Variants in CAPN8 observed in about 807,000 individuals in gnomAD.
CAPN8 encodes the protein calpain-8.
A neutral mutation model predicts 80.9 loss-of-function variants in CAPN8; 87 were observed. That is an observed-to-expected ratio of 1.07 (90% CI 0.90 to 1.28). The LOEUF (loss-of-function observed/expected upper bound fraction) is 1.28. CAPN8 is among the 50% of genes most tolerant of loss of function. The pLI is 0.00. For synonymous variants in CAPN8, 299 were observed against 273.8 expected, an observed-to-expected ratio of 1.09 and a Z score of -0.91; for missense variants, 757 against 702.0, an observed-to-expected ratio of 1.08 and a Z score of -0.89.
At chr1:223,646,191 G>T (rs1260722095) in intron 2 of CAPN8, among the ~76,000 whole-genome samples, 1 of 152,236 alleles carries the variant, frequency 6.6e-6, no homozygotes, top group Non-Finnish European at 1.5e-5. Context: ...GTCTGCAAAG[G>T]ACTTGTTAGA....
intron 2 of CAPN8, among the ~76,000 whole-genome samples, chr1:223,646,094 C>T (rs1304045952): frequency 2.0e-5 from 3 of 152,182 alleles, no homozygotes; most frequent in Admixed American, 2.0e-4. Flanking sequence ...ATTGCCCAGC[C>T]AGAAATCAGC....
chr1:223,547,920 A>G (rs1260151572), intron 16 of CAPN8, among the ~76,000 whole-genome samples: 1 of 152,212 alleles, frequency 6.6e-6, no homozygotes, highest in Non-Finnish European at 1.5e-5. Flanking sequence ...GCAGTCCACA[A>G]ATTAAATTGT....
Position 223,662,582 on chromosome 1 carries a change from G to A in CAPN8, c.237+2828C>T, listed in dbSNP as rs140579673. Among the ~76,000 whole-genome samples, 684 of 152,328 alleles carry A rather than the reference G, an allele frequency of 4.5e-3. 3 individuals carry two copies. Among genetic ancestry groups the A allele is most frequent in the Middle Eastern group, 0.027 (8 of 294 alleles). On this transcript the variant is annotated intron_variant, in intron 1 of 20. Transcript: ENST00000366872. ...AGATAAAAACAATTCTGGTGATGGA[G>A]GGTGGTGATGGTTGCATAGCAATGG... is the stretch of plus-strand genomic sequence containing the variant.
At chr1:223,558,288 T>G (rs1053555837) in intron 12 of CAPN8, 121 bp from the exon 13 acceptor site, 22 of 394,642 alleles carry the variant, frequency 5.6e-5, no homozygotes, top group Non-Finnish European at 9.8e-5. Flanking sequence ...CAGACCTCAT[T>G]TCCTACTAAA....
At chr1:223,618,424 C>T (rs1221840986) in intron 9 of CAPN8, 7 of 1,157,978 alleles carry the variant, frequency 6.0e-6, no homozygotes, top group Non-Finnish European at 8.6e-6. Context: ...ACACGCATGC[C>T]CTGTGTGTGG....
chr1:223,656,753 G>A (rs1454997739), intron 1 of CAPN8, among the ~76,000 whole-genome samples: 1 of 140,892 alleles, frequency 7.1e-6, no homozygotes, highest in Non-Finnish European at 1.5e-5. Context: ...GCGCGATCTC[G>A]GCTCACTGCA....
rs138483593 is a variant in CAPN8 at position 223,628,149 on chromosome 1, AG to A, written c.427-8del. 0.095 allele frequency: 146,656 copies of A among 1,540,016 alleles called. 7,521 individuals carry two copies. Among genetic ancestry groups the A allele is most frequent in the Admixed American group, 0.15 (7,347 of 49,410 alleles). On this transcript the variant is annotated splice_polypyrimidine_tract_variant and splice_region_variant and intron_variant, in intron 3 of 20. Transcript: ENST00000366872. Reference sequence around the variant, plus strand: ...ACTCTCCGTACTGCCAGAACTGGGGAGGGGGGACACAGCGGCTGCTCACATG... The same window carrying A: ...ACTCTCCGTACTGCCAGAACTGGGGAGGGGGACACAGCGGCTGCTCACATG...
At chr1:223,624,582 C>T (rs1401496905) in intron 6 of CAPN8, among the ~76,000 whole-genome samples, 2 of 151,988 alleles carry the variant, frequency 1.3e-5, no homozygotes, top group Admixed American at 6.6e-5. Flanking sequence ...GGCATGATGG[C>T]ACTTGCCTGT....
chr1:223,558,075 C>T lies in CAPN8; in HGVS notation c.1572+56G>A, dbSNP rs1030548255. On this transcript the variant is annotated intron_variant, in intron 13 of 20. Coordinates refer to ENST00000366872, the MANE Select transcript of CAPN8 (RefSeq NM_001143962.2). Reference sequence around the variant, plus strand: ...AGATTCTGACAAATCAAGAAGAAACCTGGAATGACTGCTATGCAACAGTGT... The same window carrying T: ...AGATTCTGACAAATCAAGAAGAAACTTGGAATGACTGCTATGCAACAGTGT... The T allele has an allele frequency of 8.6e-3, 3,407 of 398,456 alleles. 108 individuals are homozygous for T. The highest frequency in any genetic ancestry group is 0.074 in the East Asian group (2,087 of 28,058). The allele number at this position is 398,456 out of a possible 1,614,324, so 24.7% of individuals were successfully genotyped here.
In CAPN8 at chr1:223,545,249, C is replaced by T; in HGVS notation, c.1815G>A (p.Leu605=). The T allele has an allele frequency of 1.3e-6, 2 of 1,551,720 alleles. No homozygotes were observed. The highest frequency in any genetic ancestry group is 1.7e-6 in the Non-Finnish European group (2 of 1,146,982). ...LGAVEFKTLW[L]KIQKYLEIYW... is the part of the protein sequence containing the mutation. Reference sequence around the variant, plus strand: ...GAGTTACCAGATACTTCTGAATCTTCAGCCAGAGCGTCTTGAATTCCACCG... The same window carrying T: ...GAGTTACCAGATACTTCTGAATCTTTAGCCAGAGCGTCTTGAATTCCACCG... Residue 605 remains leucine, a synonymous_variant, in exon 17 of 21, where the codon CTG becomes CTA. Coordinates refer to ENST00000366872, the MANE Select transcript of CAPN8 (RefSeq NM_001143962.2).
chr1:223,644,119 A>G, intron 2 of CAPN8: 2 of 317,780 alleles, frequency 6.3e-6, no homozygotes, highest in Non-Finnish European at 1.2e-5. Context: ...CTAGTTGGAG[A>G]CACTATGTAC....
intron 16 of CAPN8, among the ~76,000 whole-genome samples, chr1:223,548,908 T>C (rs1572221623): frequency 1.2e-5 from 1 of 84,922 alleles, no homozygotes; most frequent in Admixed American, 1.6e-4. Context: ...CAGATAGTGA[T>C]GGGGAGAGCT....
intron 2 of CAPN8, among the ~76,000 whole-genome samples, chr1:223,649,385 G>C (rs887012489): frequency 1.3e-5 from 2 of 152,162 alleles, no homozygotes; most frequent in East Asian, 3.8e-4. Context: ...AGTCCTGCTG[G>C]GGTCCCCAGG....
chr1:223,557,141 A>G (rs1656923420), intron 13 of CAPN8, among the ~76,000 whole-genome samples: 1 of 152,246 alleles, frequency 6.6e-6, no homozygotes. Context: ...TGCATTTTCT[A>G]TCTGATAAAC....
chr1:223,643,583 A>C (rs982727691), intron 2 of CAPN8, among the ~76,000 whole-genome samples: 3 of 152,284 alleles, frequency 2.0e-5, no homozygotes, highest in Non-Finnish European at 1.5e-5. Flanking sequence ...CAAAACTCTT[A>C]AAGGGAGTAG....
rs1167269492 is a variant in CAPN8, at chr1:223,628,774, C to T, written c.314G>A (p.Cys105Tyr). 6.4e-7 allele frequency: 1 copy of T among 1,554,416 alleles called. No individual in the cohort carries two copies. The highest frequency in any genetic ancestry group is 8.7e-7 in the Non-Finnish European group (1 of 1,148,720). ...GGAGGCAATGGCAGCCAGAAGCCAG[C>T]AGTCACCTGCACAGTGTCACAGGGG... is the stretch of plus-strand genomic sequence containing the variant. ...TDICQGGLGD[C>Y]WLLAAIASLT... is the part of the protein sequence containing the mutation. Residue 105 changes from cysteine (C) to tyrosine (Y), a missense_variant, in exon 3 of 21, where the codon TGC (cysteine) becomes TAC (tyrosine). By Grantham distance (194) the Cys-to-Tyr change is radical. Coordinates refer to ENST00000366872, the MANE Select transcript of CAPN8 (RefSeq NM_001143962.2).
intron 1 of CAPN8, among the ~76,000 whole-genome samples, chr1:223,661,803 G>A (rs1271953990): frequency 6.6e-6 from 1 of 152,142 alleles, no homozygotes; most frequent in Non-Finnish European, 1.5e-5. Flanking sequence ...CCAGCCATGG[G>A]TCATATCTTT....
rs1348911861 is a variant in CAPN8, at chr1:223,622,974, C to T, written c.814-74G>A. ...GCCTTGCAGGCATGTCTGCACCTGA[C>T]AGGATCTGCATTAAATTTTTCAAAT... is the stretch of plus-strand genomic sequence containing the variant. On this transcript the variant is annotated intron_variant, in intron 6 of 20. Coordinates refer to ENST00000366872, the MANE Select transcript of CAPN8 (RefSeq NM_001143962.2). 3.4e-6 allele frequency: 4 copies of T among 1,182,700 alleles called. No homozygotes were observed. In the Admixed American group the frequency reaches 6.3e-5, roughly 19 times the overall value. The allele number at this position is 1,182,700 out of a possible 1,614,324, so 73.3% of individuals were successfully genotyped here.
Position 223,619,313 on chromosome 1 carries a change from C to G in CAPN8, c.1115G>C (p.Gly372Ala), listed in dbSNP as rs1348393309. The G allele has an allele frequency of 1.6e-5, 25 of 1,551,664 alleles. No individual in the cohort carries two copies. In the East Asian group the frequency reaches 5.9e-4, roughly 36 times the overall value. Residue 372 changes from glycine to alanine, a missense_variant, in exon 9 of 21, where the codon GGG (glycine) becomes GCG (alanine). Transcript: ENST00000366872. ...NGHWTRGSTA[G>A]GCQNYPATYW... Reference sequence around the variant, plus strand: ...CTTACCTGGGTAGTTCTGGCAGCCCCCAGCTGTGGAGCCCCGGGTCCAGTG... The same window carrying G: ...CTTACCTGGGTAGTTCTGGCAGCCCGCAGCTGTGGAGCCCCGGGTCCAGTG...
Sources: allele counts gnomAD v4.1 joint callset (sites outside exome capture counted in the v4.1 genomes callset), GRCh38; gene constraint gnomAD v4.1.1; transcripts MANE v1.5; gene names NCBI Gene and HGNC (gene_info 2026-07-23, HGNC 2026-07-21).